PTPRG: variants seen among roughly 807,000 people sequenced by gnomAD.
PTPRG encodes the protein protein tyrosine phosphatase receptor type G.
PTPRG carries 102 observed loss-of-function variants against 165.3 expected under a neutral mutation model. That is an observed-to-expected ratio of 0.62 (90% confidence interval 0.53 to 0.73). PTPRG has a LOEUF of 0.73. Among genes scored for constraint, PTPRG ranks in the 30% least tolerant of loss-of-function variants. PTPRG has a pLI of 0.00. For missense variants in PTPRG, 1,866 were observed against 1,861.4 expected, an observed-to-expected ratio of 1.00 and a Z score of -0.05; for synonymous variants, 675 against 669.5, an observed-to-expected ratio of 1.01 and a Z score of -0.13.
chr3:62,041,818 G>A (rs1700139345), intron 4 of PTPRG, among the ~76,000 whole-genome samples: 1 of 152,120 alleles, frequency 6.6e-6, no homozygotes. Flanking sequence ...TGATGGTGAT[G>A]GGGGTGGTTG....
rs1299290782 is a variant in PTPRG at position 62,255,565 on chromosome 3, G to A, written c.2559+350G>A. Among the ~76,000 whole-genome samples, 1 of 152,144 alleles carries A rather than the reference G, an allele frequency of 6.6e-6. No individual in the cohort carries two copies. Among genetic ancestry groups the A allele is most frequent in the African/African-American group, 2.4e-5 (1 of 41,436 alleles). On this transcript the variant is annotated intron_variant, in intron 16 of 29. Coordinates refer to ENST00000474889, the MANE Select transcript of PTPRG (RefSeq NM_002841.4). The surrounding 1 kb of genome is among the most constrained non-coding windows in gnomAD (Gnocchi z 4.0). The stretch of plus-strand genomic sequence containing the variant: ...CCTAATTCCATGTCTTTTCTGCAAT[G>A]CACATGGTATAGTGAAGATAGCAGG...
chr3:62,036,103 G>C (rs1257336206), intron 4 of PTPRG, among the ~76,000 whole-genome samples: 3 of 151,406 alleles, frequency 2.0e-5, no homozygotes. Flanking sequence ...GGGGTAGACA[G>C]ATACAAAAAC....
intron 2 of PTPRG, among the ~76,000 whole-genome samples, chr3:61,841,564 A>AGGCGTG (rs1402845439): frequency 1.3e-5 from 2 of 152,138 alleles, no homozygotes; most frequent in Non-Finnish European, 2.9e-5. Flanking sequence ...ATGTGATTAA[A>AGGCGTG]CTTAGCCCTC....
At chr3:61,605,001 G>A (rs1341239054) in intron 1 of PTPRG, among the ~76,000 whole-genome samples, 2 of 152,150 alleles carry the variant, frequency 1.3e-5, no homozygotes, top group Non-Finnish European at 2.9e-5. Context: ...GACAACTGAC[G>A]AGGTAGCCCA....
intron 5 of PTPRG, chr3:62,124,336 C>A: frequency 1.2e-6 from 2 of 1,612,308 alleles, no homozygotes; most frequent in Non-Finnish European, 1.7e-6. Flanking sequence ...GCCCGGGTCT[C>A]TGGTGATGCA....
At chr3:61,829,315 A>T (rs537385901) in intron 2 of PTPRG, among the ~76,000 whole-genome samples, 1 of 152,374 alleles carries the variant, frequency 6.6e-6, no homozygotes, top group East Asian at 1.9e-4. Flanking sequence ...TAGTTCAATA[A>T]TGACCGTTAT....
chr3:61,942,959 T>C (rs1358048125), intron 2 of PTPRG, among the ~76,000 whole-genome samples: 1 of 152,346 alleles, frequency 6.6e-6, no homozygotes, highest in East Asian at 1.9e-4. Flanking sequence ...CCCTAGGATA[T>C]GCAGGCCAGT....
chr3:62,015,141 T>C (rs1266965917), intron 4 of PTPRG, among the ~76,000 whole-genome samples: 44 of 152,234 alleles, frequency 2.9e-4, no homozygotes, highest in Admixed American at 2.9e-3. Context: ...TCTAGAGACA[T>C]TTCTAAATGA....
chr3:61,612,948 CA>C (rs1701213220), intron 1 of PTPRG, among the ~76,000 whole-genome samples: 1 of 152,080 alleles, frequency 6.6e-6, no homozygotes, highest in Non-Finnish European at 1.5e-5. Context: ...TGACAAAGGA[CA>C]GGTCAGCTTG....
chr3:61,761,788 A>C (rs1296821902), intron 2 of PTPRG, among the ~76,000 whole-genome samples: 8 of 152,106 alleles, frequency 5.3e-5, no homozygotes, highest in Non-Finnish European at 1.2e-4. Flanking sequence ...GGGGAGGAAA[A>C]CAACCTTCTT....
intron 1 of PTPRG, among the ~76,000 whole-genome samples, chr3:61,688,352 G>A (rs1703706993): frequency 6.6e-6 from 1 of 152,202 alleles, no homozygotes; most frequent in Non-Finnish European, 1.5e-5. Flanking sequence ...CCTAGACTCT[G>A]TATCCTGGCA....
intron 2 of PTPRG, among the ~76,000 whole-genome samples, chr3:61,840,889 C>T (rs976570797): frequency 6.8e-6 from 1 of 147,396 alleles, no homozygotes. Flanking sequence ...GCAAGCAATT[C>T]TTCTGCCTCA....
At chr3:62,191,417 G>A in intron 8 of PTPRG, 52 bp from the exon 9 acceptor site, 1 of 1,565,968 alleles carries the variant, frequency 6.4e-7, no homozygotes, top group Non-Finnish European at 8.7e-7. Context: ...GGCACGGATT[G>A]AATGGCGCAT....
intron 2 of PTPRG, among the ~76,000 whole-genome samples, chr3:61,873,221 G>A (rs2037630931): frequency 6.6e-6 from 1 of 152,174 alleles, no homozygotes; most frequent in Non-Finnish European, 1.5e-5. Flanking sequence ...TTTGTAAGCG[G>A]AAAACTGGCT....
At chr3:61,839,174 A>G (rs982739648) in intron 2 of PTPRG, among the ~76,000 whole-genome samples, 1 of 152,234 alleles carries the variant, frequency 6.6e-6, no homozygotes, top group African/African-American at 2.4e-5. Context: ...CTGAGAAAAG[A>G]AATTTCACAG....
rs56696186 is a variant in PTPRG, at chr3:61,653,903, G to GGGGGA, written c.85+91533_85+91534insGGAGG. 1.5e-5 allele frequency among the ~76,000 whole-genome samples: 2 copies of GGGGGA among 137,826 alleles called. 1 individual carries two copies. Among genetic ancestry groups the GGGGGA allele is most frequent in the Non-Finnish European group, 3.2e-5 (2 of 63,314 alleles). The allele number at this position is 137,826 out of a possible 152,430, so 90.4% of individuals were successfully genotyped here. The stretch of plus-strand genomic sequence containing the variant: ...AGGTTGTTAAGCGGGGAGCGGTGGG[G>GGGGGA]GGCGCGGGGAACTGTAAGGGAACAT... On this transcript the variant is annotated intron_variant, in intron 1 of 29. Transcript: ENST00000474889.
At chr3:61,684,623 A>G (rs1218649927) in intron 1 of PTPRG, among the ~76,000 whole-genome samples, 4 of 152,174 alleles carry the variant, frequency 2.6e-5, no homozygotes, top group African/African-American at 7.2e-5. Context: ...TGTGGGAAAC[A>G]CAGGTCATAA....
chr3:62,185,904 C>G (rs1705862407), intron 8 of PTPRG, among the ~76,000 whole-genome samples: 1 of 152,154 alleles, frequency 6.6e-6, no homozygotes, highest in African/African-American at 2.4e-5. Context: ...GGGTCTGGCT[C>G]CAAAGCCCAC....
intron 15 of PTPRG, among the ~76,000 whole-genome samples, chr3:62,247,765 A>T (rs1024898589): frequency 1.3e-5 from 2 of 152,186 alleles, no homozygotes; most frequent in African/African-American, 4.8e-5. Flanking sequence ...TCATAAATAA[A>T]TAGCTTGTAT....
Sources: gnomAD v4.1 joint callset for allele counts (sites outside exome capture counted in the v4.1 genomes callset) on GRCh38, gnomAD v4.1.1 for gene constraint, Gnocchi (gnomAD v3.1) non-coding constraint, MANE v1.5 for transcripts, NCBI Gene and HGNC (gene_info 2026-07-23, HGNC 2026-07-21) for gene names.